Variants in CDH13 observed in about 807,000 individuals in gnomAD.
CDH13 encodes the protein cadherin 13, also known as cadherin-13.
A neutral mutation model predicts 63.8 loss-of-function variants in CDH13; 24 were observed. The observed-to-expected ratio is 0.38, with a 90% confidence interval of 0.27 to 0.53. The LOEUF (loss-of-function observed/expected upper bound fraction) is 0.53. Among genes scored for constraint, CDH13 ranks in the 20% least tolerant of loss-of-function variants. The pLI, the probability that CDH13 is intolerant of heterozygous loss-of-function variation, is 0.85. For missense variants in CDH13, 1,049 were observed against 903.1 expected (o/e 1.16, Z -2.07); for synonymous variants, 503 against 355.3 (o/e 1.42, Z -4.67).
At chr16:82,715,472 G>C (rs916932910) in intron 1 of CDH13, among the ~76,000 whole-genome samples, 1 of 152,114 alleles carries the variant, frequency 6.6e-6, no homozygotes, top group Non-Finnish European at 1.5e-5. Flanking sequence ...AGCTACGTGC[G>C]ATGCTGCCTA....
At chr16:83,000,477 AC>A (rs1257634997) in intron 2 of CDH13, among the ~76,000 whole-genome samples, 1 of 147,862 alleles carries the variant, frequency 6.8e-6, no homozygotes, top group Non-Finnish European at 1.5e-5. Flanking sequence ...CTCACTACTG[AC>A]CTCAGGTGAT....
intron 8 of CDH13, among the ~76,000 whole-genome samples, chr16:83,603,967 C>G (rs1908089807): frequency 6.6e-6 from 1 of 152,038 alleles, no homozygotes; most frequent in African/African-American, 2.4e-5. Flanking sequence ...TTTTAAGCAA[C>G]CAGATCTCAT....
intron 5 of CDH13, among the ~76,000 whole-genome samples, chr16:83,254,585 C>G (rs904807264): frequency 2.0e-5 from 3 of 152,112 alleles, no homozygotes; most frequent in African/African-American, 7.2e-5. Context: ...TTTCTTTTTT[C>G]TCTGATCCTT....
In CDH13 at chr16:82,635,512, T is replaced by G. The variant is rs181240402; in HGVS notation, c.45+8375T>G. Reference sequence around the variant, plus strand: ...ATGTCAGCCACTGCAAGAATATTGGTGTTTTTCTCAGAGCAAGTGGCAGCC... The same window carrying G: ...ATGTCAGCCACTGCAAGAATATTGGGGTTTTTCTCAGAGCAAGTGGCAGCC... On this transcript the variant is annotated intron_variant, in intron 1 of 13. Transcript: ENST00000567109. Among the ~76,000 whole-genome samples, 15 of 152,274 alleles carry G rather than the reference T, an allele frequency of 9.9e-5. 1 individual carries two copies. Among genetic ancestry groups the G allele is most frequent in the Admixed American group, 9.8e-4 (15 of 15,300 alleles).
chr16:82,889,295 C>T (rs556516960), intron 2 of CDH13, among the ~76,000 whole-genome samples: 1 of 132,006 alleles, frequency 7.6e-6, no homozygotes, highest in Non-Finnish European at 1.7e-5. Context: ...GTCTGTCTCT[C>T]TATTATCTCT....
intron 10 of CDH13, among the ~76,000 whole-genome samples, chr16:83,720,864 C>G (rs1057124720): frequency 6.6e-6 from 1 of 152,192 alleles, no homozygotes; most frequent in Non-Finnish European, 1.5e-5. Flanking sequence ...ATAATTTTCT[C>G]CCTGGCACAA....
intron 2 of CDH13, among the ~76,000 whole-genome samples, chr16:82,980,766 T>A (rs1218993198): frequency 6.6e-6 from 1 of 152,204 alleles, no homozygotes; most frequent in East Asian, 1.9e-4. Context: ...CCCAAGAACC[T>A]CCTTGTCTTC....
intron 2 of CDH13, among the ~76,000 whole-genome samples, chr16:82,916,580 A>T (rs528055203): frequency 1.3e-3 from 192 of 152,048 alleles, no homozygotes; most frequent in African/African-American, 4.0e-3. Flanking sequence ...TCTCAAAAAA[A>T]AAATAAATAA....
chr16:83,284,802 C>A lies in CDH13; in HGVS notation c.637-60060C>A, dbSNP rs187765347. ...TAATACAAAATACTATAGTATAATA[C>A]AATATAATGTGTATGTTTCTTTTTA... On this transcript the variant is annotated intron_variant, in intron 5 of 13. Coordinates refer to ENST00000567109, the MANE Select transcript of CDH13 (RefSeq NM_001257.5). Among the ~76,000 whole-genome samples, 12 of 151,936 alleles carry A rather than the reference C, an allele frequency of 7.9e-5. No individual in the cohort carries two copies. In the East Asian group the frequency reaches 1.5e-3, roughly 20 times the overall value.
intron 5 of CDH13, among the ~76,000 whole-genome samples, chr16:83,299,428 C>A (rs960711450): frequency 6.6e-6 from 1 of 152,216 alleles, no homozygotes; most frequent in Non-Finnish European, 1.5e-5. Context: ...AGCACATACA[C>A]TCTTGCTATC....
At chr16:83,775,406 G>A (rs1915039097) in intron 11 of CDH13, among the ~76,000 whole-genome samples, 1 of 149,490 alleles carries the variant, frequency 6.7e-6, no homozygotes, top group Admixed American at 7.4e-5. Flanking sequence ...TGGTTCATCT[G>A]TCAGCAGTCC....
intron 2 of CDH13, among the ~76,000 whole-genome samples, chr16:82,982,717 A>C (rs141284513): frequency 2.7e-3 from 409 of 152,292 alleles, no homozygotes; most frequent in Admixed American, 5.1e-3. Context: ...CTGTGGCTGC[A>C]CTCCACACAA....
intron 2 of CDH13, among the ~76,000 whole-genome samples, chr16:82,861,276 C>T (rs1224407480): frequency 1.3e-5 from 2 of 152,146 alleles, no homozygotes; most frequent in Non-Finnish European, 2.9e-5. Flanking sequence ...CATATTTTTC[C>T]TTTATCTTTG....
At chr16:83,514,652 A>C (rs1266356387) in intron 7 of CDH13, among the ~76,000 whole-genome samples, 4 of 152,184 alleles carry the variant, frequency 2.6e-5, no homozygotes, top group African/African-American at 9.6e-5. Flanking sequence ...CTCAAAATTA[A>C]AAAGAGAAGA....
At chr16:82,741,090 A>G (rs1341379372) in intron 1 of CDH13, among the ~76,000 whole-genome samples, 1 of 152,128 alleles carries the variant, frequency 6.6e-6, no homozygotes, top group Non-Finnish European at 1.5e-5. Context: ...CCCAAACCCA[A>G]CAATGACCAC....
intron 4 of CDH13, among the ~76,000 whole-genome samples, chr16:83,209,143 G>T (rs931450661): frequency 6.6e-6 from 1 of 152,146 alleles, no homozygotes; most frequent in Non-Finnish European, 1.5e-5. Context: ...TCCAGTGGTG[G>T]CAGGCTGAAC....
intron 1 of CDH13, among the ~76,000 whole-genome samples, chr16:82,761,155 CTG>C (rs2034837126): frequency 3.3e-5 from 5 of 149,736 alleles, no homozygotes; most frequent in Admixed American, 2.7e-4. Flanking sequence ...TCCCAAGTAA[CTG>C]GGAGTACAGG....
chr16:83,441,353 T>A lies in CDH13; in HGVS notation c.782-45124T>A, dbSNP rs143016939. 5.8e-3 allele frequency among the ~76,000 whole-genome samples: 888 copies of A among 152,346 alleles called. 9 individuals carry two copies. The highest frequency in any genetic ancestry group is 0.02 in the African/African-American group (841 of 41,592). ...TGGGAAAAACACAATACATTTACAA[T>A]TGGCAAAATACAAGCTCTAGAACAT... On this transcript the variant is annotated intron_variant, in intron 6 of 13. Transcript: ENST00000567109.
intron 7 of CDH13, among the ~76,000 whole-genome samples, chr16:83,554,419 A>G (rs140351408): frequency 6.6e-5 from 10 of 152,364 alleles, no homozygotes; most frequent in Non-Finnish European, 1.3e-4. Context: ...AACGATAAGT[A>G]GGCAATGGAA....
Sources: allele counts gnomAD v4.1 joint callset (sites outside exome capture counted in the v4.1 genomes callset), GRCh38; gene constraint gnomAD v4.1.1; transcripts MANE v1.5; gene names NCBI Gene and HGNC (gene_info 2026-07-23, HGNC 2026-07-21).